Variants in NGLY1 observed in about 807,000 individuals in gnomAD.
NGLY1 encodes the protein peptide-N(4)-(N-acetyl-beta-glucosaminyl)asparagine amidase.
A neutral mutation model predicts 84.6 loss-of-function variants in NGLY1; 68 were observed. The observed-to-expected ratio is 0.80, with a 90% confidence interval of 0.66 to 0.98. The LOEUF (loss-of-function observed/expected upper bound fraction) is 0.98, where lower values mean the gene tolerates loss of function less well. Among genes scored for constraint, NGLY1 ranks in the 50% least tolerant of loss-of-function variants. The probability of loss-of-function intolerance (pLI) is 0.00; values close to 1 mark genes in which losing one functional copy is unlikely to be tolerated. For synonymous variants in NGLY1, 280 were observed against 275.2 expected (o/e 1.02, Z -0.17); for missense variants, 779 against 770.2 (o/e 1.01, Z -0.14).
rs778827388 is a variant in NGLY1, at chr3:25,719,345, A to G, written c.*115T>C. The G allele has an allele frequency of 5.0e-4, 361 of 719,712 alleles. No homozygotes were observed. Among genetic ancestry groups the G allele is most frequent in the Non-Finnish European group, 6.9e-4 (304 of 440,116 alleles). The allele number at this position is 719,712 out of a possible 1,614,324, so 44.6% of individuals were successfully genotyped here. A position where few individuals can be genotyped will look rare whatever the true frequency, so the allele number is the denominator to read the frequency against. On this transcript the variant is annotated 3_prime_UTR_variant, in exon 12 of 12. Coordinates refer to ENST00000280700, the MANE Select transcript of NGLY1 (RefSeq NM_018297.4). ...CATGAGGGTTACATGATGGATAGCT[A>G]GCAAAAGAAATATGCTAGCACAGGG...
At chr3:25,782,053 T>A (rs576705096) in intron 1 of NGLY1, among the ~76,000 whole-genome samples, 2 of 152,292 alleles carry the variant, frequency 1.3e-5, no homozygotes, top group South Asian at 4.2e-4. Context: ...ACGAAGGTGG[T>A]CCCCACACAG....
intron 1 of NGLY1, among the ~76,000 whole-genome samples, chr3:25,782,042 C>G (rs1032114686): frequency 2.0e-5 from 3 of 152,076 alleles, no homozygotes; most frequent in African/African-American, 7.2e-5. Flanking sequence ...TGTCACAGAG[C>G]ACGAAGGTGG....
At chr3:25,748,815 C>G (rs561049883) in intron 4 of NGLY1, among the ~76,000 whole-genome samples, 11 of 152,070 alleles carry the variant, frequency 7.2e-5, no homozygotes, top group African/African-American at 2.7e-4. Flanking sequence ...TCACTAATGA[C>G]GCTATCATAT....
intron 4 of NGLY1, among the ~76,000 whole-genome samples, chr3:25,748,663 CAA>C (rs1445066430): frequency 2.0e-5 from 3 of 152,138 alleles, no homozygotes; most frequent in Non-Finnish European, 4.4e-5. Flanking sequence ...TGAATTTACA[CAA>C]AGACAGTTGA....
chr3:25,744,058 T>C (rs1237721004), intron 4 of NGLY1, among the ~76,000 whole-genome samples: 2 of 152,162 alleles, frequency 1.3e-5, no homozygotes, highest in Non-Finnish European at 2.9e-5. Context: ...TCTTCAAAAA[T>C]ACCATATAAA....
At chr3:25,750,920 A>G (rs1222865336) in intron 4 of NGLY1, among the ~76,000 whole-genome samples, 178 bp downstream of exon 4, 1 of 152,016 alleles carries the variant, frequency 6.6e-6, no homozygotes, top group Admixed American at 6.6e-5. Context: ...TAAAGAGTTG[A>G]CCCTCCGTAT....
At chr3:25,781,250 G>A (rs1213118764) in intron 1 of NGLY1, among the ~76,000 whole-genome samples, 3 of 152,086 alleles carry the variant, frequency 2.0e-5, no homozygotes, top group South Asian at 2.1e-4. Flanking sequence ...CGTGCCCAGT[G>A]AGCAATTTTA....
At chr3:25,735,139 T>A (rs1483924467) in intron 7 of NGLY1, 1 of 152,852 alleles carries the variant, frequency 6.5e-6, no homozygotes, top group African/African-American at 2.4e-5. Flanking sequence ...TAGGAGAAAA[T>A]CATTGTGACC....
chr3:25,732,729 T>G (rs1206250069), intron 8 of NGLY1, among the ~76,000 whole-genome samples: 1 of 152,214 alleles, frequency 6.6e-6, no homozygotes, highest in East Asian at 1.9e-4. Flanking sequence ...TCTACTGTCC[T>G]AGATTTATTT....
At chr3:25,748,561 T>C (rs906705440) in intron 4 of NGLY1, among the ~76,000 whole-genome samples, 1 of 152,242 alleles carries the variant, frequency 6.6e-6, no homozygotes, top group African/African-American at 2.4e-5. Flanking sequence ...TTTTCATTTA[T>C]TTCTAAAAAT....
At chr3:25,737,126 A>C in intron 6 of NGLY1, 1 of 433,612 alleles carries the variant, frequency 2.3e-6, no homozygotes, top group Non-Finnish European at 4.1e-6. Context: ...AGTGCAAAGC[A>C]CCAGGCACAG....
intron 4 of NGLY1, among the ~76,000 whole-genome samples, chr3:25,743,151 C>G (rs1037068392): frequency 5.9e-5 from 9 of 152,138 alleles, no homozygotes; most frequent in African/African-American, 2.2e-4. Flanking sequence ...AGGCAAAGAA[C>G]AGATTCTCCC....
chr3:25,722,088 C>T (rs1338514055), intron 10 of NGLY1, among the ~76,000 whole-genome samples: 1 of 151,860 alleles, frequency 6.6e-6, no homozygotes, highest in Non-Finnish European at 1.5e-5. Context: ...CATGTTAGTG[C>T]ACACTTGTAA....
In NGLY1 at chr3:25,737,435, A is replaced by C; in HGVS notation, c.902T>G (p.Leu301Arg). ...ACACCGTCCACATCTTGTTTCCAAA[A>C]GTTTCTCAGGGTTATTATATCTGGT... ...RFPRYNNPEK[L>R]LETRCGRCGE... The change falls in exon 6 of 12, where the codon CTT (leucine) becomes CGT (arginine). Residue 301 changes from leucine (L) to arginine (R), a missense_variant. Transcript: ENST00000280700. 1 of 1,612,170 alleles carries C rather than the reference A, an allele frequency of 6.2e-7. No individual in the cohort carries two copies. The highest frequency in any genetic ancestry group is 8.5e-7 in the Non-Finnish European group (1 of 1,179,242).
chr3:25,767,904 G>A (rs1707668220), intron 2 of NGLY1, among the ~76,000 whole-genome samples: 4 of 74,106 alleles, frequency 5.4e-5, no homozygotes, highest in African/African-American at 5.9e-5. Flanking sequence ...CTTGAGGTAG[G>A]GAGCTGACCA....
At chr3:25,748,790 T>C (rs1245270030) in intron 4 of NGLY1, among the ~76,000 whole-genome samples, 2 of 152,124 alleles carry the variant, frequency 1.3e-5, no homozygotes, top group Non-Finnish European at 2.9e-5. Context: ...CACATTAAAA[T>C]TCACTAATTT....
intron 2 of NGLY1, among the ~76,000 whole-genome samples, chr3:25,768,010 G>C (rs2125298843): frequency 6.6e-6 from 1 of 150,476 alleles, no homozygotes; most frequent in African/African-American, 2.4e-5. Flanking sequence ...CTACTCGGGA[G>C]GCTGAGGCAA....
chr3:25,759,206 C>A (rs1201562752), intron 3 of NGLY1, among the ~76,000 whole-genome samples: 1 of 151,484 alleles, frequency 6.6e-6, no homozygotes, highest in African/African-American at 2.4e-5. Flanking sequence ...GCCTCCATTA[C>A]AGAAGAGATG....
chr3:25,762,706 C>T (rs1012362187), intron 3 of NGLY1, among the ~76,000 whole-genome samples: 1 of 152,094 alleles, frequency 6.6e-6, no homozygotes, highest in Non-Finnish European at 1.5e-5. Flanking sequence ...TAATCCAGCA[C>T]TTTGGGAGGC....
Sources: allele counts gnomAD v4.1 joint callset (sites outside exome capture counted in the v4.1 genomes callset), GRCh38; gene constraint gnomAD v4.1.1; transcripts MANE v1.5; gene names NCBI Gene and HGNC (gene_info 2026-07-23, HGNC 2026-07-21).